The following CYP8B1 variants were observed in gnomAD, a reference collection of about 807,000 sequenced individuals.
CYP8B1 encodes 7-alpha-hydroxycholest-4-en-3-one 12-alpha-hydroxylase.
For missense variants in CYP8B1, 594 were observed against 643.7 expected (o/e 0.92, Z 0.84); for synonymous variants, 221 against 251.2 (o/e 0.88, Z 1.14).
Position 42,874,985 on chromosome 3 carries a change from T to C in CYP8B1, c.832A>G (p.Met278Val), listed in dbSNP as rs2088504873. The change falls in exon 1 of 1, where the codon ATG (methionine) becomes GTG (valine). Residue 278 changes from methionine to valine, a missense_variant. Physicochemically the swap from Met to Val is conservative, Grantham distance 21. Transcript: ENST00000316161. ...TTCCCCTGGGAGGCCCAGAGCATCA[T>C]GAAGTTGAACTTGTCCTGCATAGCT... The part of the protein sequence containing the change: ...PSAMQDKFNF[M>V]MLWASQGNTG... 2 of 1,613,824 alleles carry C rather than the reference T, an allele frequency of 1.2e-6. No homozygotes were observed. The highest frequency in any genetic ancestry group is 8.5e-7 in the Non-Finnish European group (1 of 1,179,976).
rs534733049 is a variant in CYP8B1, at chr3:42,874,706, C to G, written c.1111G>C (p.Gly371Arg). 1.9e-5 allele frequency: 30 copies of G among 1,613,690 alleles called. No homozygotes were observed. In the South Asian group the frequency reaches 2.5e-4, roughly 14 times the overall value. ...CCATGGCGGAACAGATACTCCTGCC[C>G]ACTGGACATCTTCAGGGTATAGTCT... is the stretch of plus-strand genomic sequence containing the variant. ...HEDYTLKMSSGQEYLFRHGDI... is the reference protein window; with the variant it reads ...HEDYTLKMSSRQEYLFRHGDI... Residue 371 changes from glycine (G) to arginine (R), a missense_variant, in exon 1 of 1, where the codon GGG becomes CGG. Gly to Arg is a moderately radical substitution (Grantham distance 125, BLOSUM62 -2). Transcript: ENST00000316161.
rs553238609 is a variant in CYP8B1, at chr3:42,875,832, G to A, written c.-16C>T. The stretch of plus-strand genomic sequence containing the variant: ...AGAGAACCATGGCTATGCTCCTGCG[G>A]ATTAAGCTCTCGACACGCACACTGT... On this transcript the variant is annotated 5_prime_UTR_variant, in exon 1 of 1. Transcript: ENST00000316161. 31 of 1,348,952 alleles carry A rather than the reference G, an allele frequency of 2.3e-5. No individual in the cohort carries two copies. In the South Asian group the frequency reaches 7.2e-4, roughly 31 times the overall value. The allele number at this position is 1,348,952 out of a possible 1,614,324, so 83.6% of individuals were successfully genotyped here. A position where few individuals can be genotyped will look rare whatever the true frequency, so the allele number is the denominator to read the frequency against.
rs1446488601 is a variant in CYP8B1, at chr3:42,874,193, G to T, written c.*118C>A. The T allele has an allele frequency of 1.3e-5, 10 of 781,358 alleles. No individual in the cohort carries two copies. The highest frequency in any genetic ancestry group is 1.7e-5 in the African/African-American group (1 of 57,640). The allele number at this position is 781,358 out of a possible 1,614,324, so 48.4% of individuals were successfully genotyped here. On this transcript the variant is annotated 3_prime_UTR_variant, in exon 1 of 1. Transcript: ENST00000316161. ...AGGACAGGCAGAACAGAGGTAGGGGGTGCCACAGGACCAGAGGGAGGGGTG... is the reference window on the plus strand; with the variant it reads ...AGGACAGGCAGAACAGAGGTAGGGGTTGCCACAGGACCAGAGGGAGGGGTG...
In CYP8B1 at chr3:42,875,240, C is replaced by T. The variant is rs780074358; in HGVS notation, c.577G>A (p.Glu193Lys). ...LSLFGYTKDK[E>K]QDLLQAGELF... Reference sequence around the variant, plus strand: ...TCTCCTGCCTGTAGCAGGTCCTGCTCCTTGTCCTTCGTGTAGCCGAACAAG... The same window carrying T: ...TCTCCTGCCTGTAGCAGGTCCTGCTTCTTGTCCTTCGTGTAGCCGAACAAG... The change falls in exon 1 of 1, where the codon GAG (glutamate) becomes AAG (lysine). Residue 193 changes from glutamate to lysine, a missense_variant. Physicochemically the swap from Glu to Lys is moderately conservative, Grantham distance 56. Coordinates refer to ENST00000316161, the MANE Select transcript of CYP8B1 (RefSeq NM_004391.3). 1 of 1,592,862 alleles carries T rather than the reference C, an allele frequency of 6.3e-7. No homozygotes were observed. Among genetic ancestry groups the T allele is most frequent in the Non-Finnish European group, 8.6e-7 (1 of 1,167,844 alleles).
chr3:42,872,353 T>C lies in CYP8B1; in HGVS notation c.*1958A>G, dbSNP rs12494055. On this transcript the variant is annotated 3_prime_UTR_variant, in exon 1 of 1. Coordinates refer to ENST00000316161, the MANE Select transcript of CYP8B1 (RefSeq NM_004391.3). ...AGATATGCTATGATACAAATGGTGC[T>C]GCAGGAGCTGCACAGTTCGGAGGCC... The C allele has an allele frequency of 0.59, 89,937 of 152,100 alleles. 27,294 individuals carry two copies. Among genetic ancestry groups the C allele is most frequent in the East Asian group, 0.81 (4,207 of 5,168 alleles). 9.4% of individuals were successfully genotyped at this position (152,100 alleles called of 1,614,324 possible). A position where few individuals can be genotyped will look rare whatever the true frequency, so the allele number is the denominator to read the frequency against.
rs770132025 is a variant in CYP8B1 at position 42,875,109 on chromosome 3, A to G, written c.708T>C (p.Phe236=). 1 of 1,613,532 alleles carries G rather than the reference A, an allele frequency of 6.2e-7. No individual in the cohort carries two copies. The highest frequency in any genetic ancestry group is 2.2e-5 in the East Asian group (1 of 44,876). The change falls in exon 1 of 1, where the codon TTT becomes TTC. Residue 236 remains phenylalanine (F), a synonymous_variant. Coordinates refer to ENST00000316161, the MANE Select transcript of CYP8B1 (RefSeq NM_004391.3). ...TGTGGCTCACGGAGAGCATCTTGTG[A>G]AAGAGACGCTGGAGTCGGCCCACTT... is the stretch of plus-strand genomic sequence containing the variant. The part of the protein sequence containing the change: ...WLEVGRLQRL[F]HKMLSVSHSQ...
chr3:42,873,633 G>T lies in CYP8B1; in HGVS notation c.*678C>A, dbSNP rs1385772961. ...TTGTTTCATTTTACTTTTTAAAAAT[G>T]TGTTTACCAGGAAACTAAATTAGCT... On this transcript the variant is annotated 3_prime_UTR_variant, in exon 1 of 1. Transcript: ENST00000316161. The T allele has an allele frequency of 1.3e-5, 2 of 152,100 alleles. No homozygotes were observed. Among genetic ancestry groups the T allele is most frequent in the Admixed American group, 1.3e-4 (2 of 15,278 alleles). 9.4% of individuals were successfully genotyped at this position (152,100 alleles called of 1,614,324 possible).
At position 42,874,881 on chromosome 3, in the gene CYP8B1, A is replaced by G; in HGVS notation, c.936T>C (p.Ala312=). ...GCCTGGCCTCACCCAGGACCTGGGT[A>G]GCTTCCTCCCTCACAGCCCGAATAG... ...PEAIRAVREE[A]TQVLGEARLE... is the part of the protein sequence containing the mutation. The change falls in exon 1 of 1, where the codon GCT becomes GCC. Residue 312 remains alanine, a synonymous_variant. Coordinates refer to ENST00000316161, the MANE Select transcript of CYP8B1 (RefSeq NM_004391.3). The G allele has an allele frequency of 6.3e-7, 1 of 1,598,604 alleles. No homozygotes were observed. The highest frequency in any genetic ancestry group is 8.5e-7 in the Non-Finnish European group (1 of 1,171,094).
Position 42,874,191 on chromosome 3 carries a change from G to A in CYP8B1, c.*120C>T. The A allele has an allele frequency of 2.6e-6, 2 of 763,342 alleles. No individual in the cohort carries two copies. The highest frequency in any genetic ancestry group is 2.6e-5 in the Admixed American group (1 of 37,808). 47.3% of individuals were successfully genotyped at this position (763,342 alleles called of 1,614,324 possible). A position where few individuals can be genotyped will look rare whatever the true frequency, so the allele number is the denominator to read the frequency against. ...CGAGGACAGGCAGAACAGAGGTAGG[G>A]GGTGCCACAGGACCAGAGGGAGGGG... On this transcript the variant is annotated 3_prime_UTR_variant, in exon 1 of 1. Coordinates refer to ENST00000316161, the MANE Select transcript of CYP8B1 (RefSeq NM_004391.3).
At position 42,872,282 on chromosome 3, in the gene CYP8B1, T is replaced by C. The variant is rs1206106690; in HGVS notation, c.*2029A>G. 2 of 152,310 alleles carry C rather than the reference T, an allele frequency of 1.3e-5. No homozygotes were observed. Among genetic ancestry groups the C allele is most frequent in the East Asian group, 3.8e-4 (2 of 5,200 alleles). 9.4% of individuals were successfully genotyped at this position (152,310 alleles called of 1,614,324 possible). A position where few individuals can be genotyped will look rare whatever the true frequency, so the allele number is the denominator to read the frequency against. ...CCCAGTAGGCTCCAGTCTAGGGAAG[T>C]GGGCAGCAGGCAGAAACCAAGACAC... is the stretch of plus-strand genomic sequence containing the variant. On this transcript the variant is annotated 3_prime_UTR_variant, in exon 1 of 1. Coordinates refer to ENST00000316161, the MANE Select transcript of CYP8B1 (RefSeq NM_004391.3).
rs920002892 is a variant in CYP8B1 at position 42,875,338 on chromosome 3, T to C, written c.479A>G (p.Asp160Gly). 3.7e-6 allele frequency: 6 copies of C among 1,613,908 alleles called. No individual in the cohort carries two copies. In the African/African-American group the frequency reaches 8.0e-5, roughly 22 times the overall value. The change falls in exon 1 of 1, where the codon GAT becomes GGT. Residue 160 changes from aspartate (D) to glycine (G), a missense_variant. By Grantham distance (94) the Asp-to-Gly change is moderately conservative. Coordinates refer to ENST00000316161, the MANE Select transcript of CYP8B1 (RefSeq NM_004391.3). Reference protein sequence around the residue: ...VMLTSKGWSLDASCWHEDSLF... With the variant: ...VMLTSKGWSLGASCWHEDSLF... ...GCTGTCCTCATGCCAGCAACTGGCATCCAGACTCCAGCCTTTGGACGTCAG... is the reference window on the plus strand; with the variant it reads ...GCTGTCCTCATGCCAGCAACTGGCACCCAGACTCCAGCCTTTGGACGTCAG...
rs1363352391 is a variant in CYP8B1, at chr3:42,875,196, G to T, written c.621C>A (p.Arg207=). Residue 207 remains arginine (R), a synonymous_variant, in exon 1 of 1, where the codon CGC becomes CGA. Coordinates refer to ENST00000316161, the MANE Select transcript of CYP8B1 (RefSeq NM_004391.3). ...ACCTTGGGAAAAGAAGGTCAAACTT[G>T]CGGAACTCCATGAATAACTCTCCTG... ...LQAGELFMEF[R]KFDLLFPRFV... 1 of 1,593,652 alleles carries T rather than the reference G, an allele frequency of 6.3e-7. No homozygotes were observed. The highest frequency in any genetic ancestry group is 8.6e-7 in the Non-Finnish European group (1 of 1,168,312).
chr3:42,873,255 A>C lies in CYP8B1; in HGVS notation c.*1056T>G, dbSNP rs2125630018. ...TCCCAGCTACTCAGAAGCCTGAGGCAGGAGAATTACTTGAACCCGGGAGGC... is the reference window on the plus strand; with the variant it reads ...TCCCAGCTACTCAGAAGCCTGAGGCCGGAGAATTACTTGAACCCGGGAGGC... On this transcript the variant is annotated 3_prime_UTR_variant, in exon 1 of 1. Transcript: ENST00000316161. The C allele has an allele frequency of 6.6e-6, 1 of 152,328 alleles. No homozygotes were observed. The highest frequency in any genetic ancestry group is 1.9e-4 in the East Asian group (1 of 5,172). The allele number at this position is 152,328 out of a possible 1,614,324, so 9.4% of individuals were successfully genotyped here.
chr3:42,874,535 G>A lies in CYP8B1; in HGVS notation c.1282C>T (p.His428Tyr). 1.2e-6 allele frequency: 2 copies of A among 1,614,094 alleles called. No individual in the cohort carries two copies. Among genetic ancestry groups the A allele is most frequent in the Non-Finnish European group, 1.7e-6 (2 of 1,180,022 alleles). ...DFFKTGKKIH[H>Y]YTMPWGSGVS... ...CCCGAACCCCAGGGCATGGTGTAGTGGTGGATCTTCTTGCCTGTCTTGAAG... is the reference window on the plus strand; with the variant it reads ...CCCGAACCCCAGGGCATGGTGTAGTAGTGGATCTTCTTGCCTGTCTTGAAG... Residue 428 changes from histidine to tyrosine, a missense_variant, in exon 1 of 1, where the codon CAC becomes TAC. By Grantham distance (83) the His-to-Tyr change is moderately conservative (BLOSUM62 2). Coordinates refer to ENST00000316161, the MANE Select transcript of CYP8B1 (RefSeq NM_004391.3).
chr3:42,875,619 ATCCCC>A lies in CYP8B1; in HGVS notation c.193_197del (p.Gly65CysfsTer55). ...GGCCCCCTAGCTGCACTGTGAACAC[ATCCCC>A]ATGCTTGGTCCTCATGCGCTTCAGA... On this transcript the variant is annotated frameshift_variant, in exon 1 of 1. Coordinates refer to ENST00000316161, the MANE Select transcript of CYP8B1 (RefSeq NM_004391.3). LOFTEE classifies it low-confidence loss of function (END_TRUNC). The A allele has an allele frequency of 6.7e-7, 1 of 1,492,278 alleles. No individual in the cohort carries two copies. Among genetic ancestry groups the A allele is most frequent in the Non-Finnish European group, 8.9e-7 (1 of 1,120,890 alleles). The allele number at this position is 1,492,278 out of a possible 1,614,324, so 92.4% of individuals were successfully genotyped here.
Position 42,874,025 on chromosome 3 carries a change from T to A in CYP8B1, c.*286A>T. 2.3e-6 allele frequency: 1 copy of A among 442,718 alleles called. No individual in the cohort carries two copies. Among genetic ancestry groups the A allele is most frequent in the African/African-American group, 2.0e-5 (1 of 51,042 alleles). 27.4% of individuals were successfully genotyped at this position (442,718 alleles called of 1,614,324 possible). Reference sequence around the variant, plus strand: ...TACTCAGGACTTCTCAAGGCAGGCATCATCTCCCAAACCAAGTTGCCCACA... The same window carrying A: ...TACTCAGGACTTCTCAAGGCAGGCAACATCTCCCAAACCAAGTTGCCCACA... On this transcript the variant is annotated 3_prime_UTR_variant, in exon 1 of 1. Transcript: ENST00000316161.
Position 42,874,305 on chromosome 3 carries a change from C to T in CYP8B1, c.*6G>A, listed in dbSNP as rs748292508. On this transcript the variant is annotated 3_prime_UTR_variant, in exon 1 of 1. Coordinates refer to ENST00000316161, the MANE Select transcript of CYP8B1 (RefSeq NM_004391.3). ...CTGGCCAGGTTTGCAGCTGGCTTGGCCAAGCTCACTCTGTAGGATGCAGGC... is the reference window on the plus strand; with the variant it reads ...CTGGCCAGGTTTGCAGCTGGCTTGGTCAAGCTCACTCTGTAGGATGCAGGC... 3.7e-6 allele frequency: 6 copies of T among 1,611,920 alleles called. No homozygotes were observed. The South Asian group carries it at 5.5e-5, about 15-fold the overall frequency.
Position 42,875,563 on chromosome 3 carries a change from G to A in CYP8B1, c.254C>T (p.Ser85Phe), listed in dbSNP as rs759716874. 6.6e-7 allele frequency: 1 copy of A among 1,516,166 alleles called. No individual in the cohort carries two copies. The highest frequency in any genetic ancestry group is 8.8e-7 in the Non-Finnish European group (1 of 1,131,052). 93.9% of individuals were successfully genotyped at this position (1,516,166 alleles called of 1,614,324 possible). A position where few individuals can be genotyped will look rare whatever the true frequency, so the allele number is the denominator to read the frequency against. ...QYFTFVMDPL[S>F]FGSILKDTQR... ...TGTGTCCTTGAGGATGGAGCCAAAG[G>A]AGAGGGGGTCCATGACGAAGGTGAA... The change falls in exon 1 of 1, where the codon TCC becomes TTC. Residue 85 changes from serine (S) to phenylalanine (F), a missense_variant. By Grantham distance (155) the Ser-to-Phe change is radical (BLOSUM62 -2). Coordinates refer to ENST00000316161, the MANE Select transcript of CYP8B1 (RefSeq NM_004391.3).
rs2088492317 is a variant in CYP8B1 at position 42,873,916 on chromosome 3, G to GA, written c.*394dup. On this transcript the variant is annotated 3_prime_UTR_variant, in exon 1 of 1. Coordinates refer to ENST00000316161, the MANE Select transcript of CYP8B1 (RefSeq NM_004391.3). Reference sequence around the variant, plus strand: ...CATAGGATGTGGGATAAGTGTTGCTGAAAAAACTAAAGCAAGCTGGGAGAG... The same window carrying GA: ...CATAGGATGTGGGATAAGTGTTGCTGAAAAAAACTAAAGCAAGCTGGGAGAG... 4.5e-6 allele frequency: 1 copy of GA among 220,808 alleles called. No individual in the cohort carries two copies. The highest frequency in any genetic ancestry group is 5.2e-5 in the Admixed American group (1 of 19,364). The allele number at this position is 220,808 out of a possible 1,614,324, so 13.7% of individuals were successfully genotyped here. A position where few individuals can be genotyped will look rare whatever the true frequency, so the allele number is the denominator to read the frequency against.
Sources: gnomAD v4.1 joint callset for allele counts on GRCh38, gnomAD v4.1.1 for gene constraint, MANE v1.5 for transcripts, NCBI Gene and HGNC (gene_info 2026-07-23, HGNC 2026-07-21) for gene names.